The following RGS5 variants were observed in gnomAD, a reference collection of about 807,000 sequenced individuals.
RGS5 encodes regulator of G-protein signalling 5.
In RGS5, 20 loss-of-function variants were observed where a neutral mutation model predicts 18.9. The observed-to-expected ratio is 1.06, with a 90% confidence interval of 0.74 to 1.54. The LOEUF (loss-of-function observed/expected upper bound fraction) is 1.54. RGS5 is among the 40% of genes most tolerant of loss of function. The pLI is 0.00. For missense variants in RGS5, 201 were observed against 211.8 expected, an observed-to-expected ratio of 0.95 and a Z score of 0.32; for synonymous variants, 57 against 76.2, an observed-to-expected ratio of 0.75 and a Z score of 1.31.
chr1:163,216,646 G>A (rs1047149943), intron 1 of RGS5, among the ~76,000 whole-genome samples: 1 of 152,122 alleles, frequency 6.6e-6, no homozygotes, highest in Admixed American at 6.5e-5. Flanking sequence ...AAACTGTGCT[G>A]AGTATAAGAA....
At chr1:163,178,979 G>A (rs543746711) in intron 1 of RGS5, among the ~76,000 whole-genome samples, 1 of 152,166 alleles carries the variant, frequency 6.6e-6, no homozygotes, top group African/African-American at 2.4e-5. Context: ...GTTGAATTGT[G>A]TTAAATCTTC....
intron 1 of RGS5, among the ~76,000 whole-genome samples, chr1:163,320,817 T>C (rs1305671410): frequency 2.0e-5 from 3 of 152,234 alleles, no homozygotes; most frequent in Admixed American, 1.3e-4. Context: ...TCACTATCAA[T>C]AGGTTTAGTT....
chr1:163,174,918 C>A (rs560329014), intron 1 of RGS5, among the ~76,000 whole-genome samples: 9 of 152,124 alleles, frequency 5.9e-5, no homozygotes, highest in Non-Finnish European at 1.2e-4. Context: ...CAACACATTT[C>A]CAAAAGAGGT....
intron 1 of RGS5, among the ~76,000 whole-genome samples, chr1:163,310,177 G>C (rs1338416473): frequency 6.6e-6 from 1 of 152,134 alleles, no homozygotes; most frequent in African/African-American, 2.4e-5. Context: ...TTTTCAGAAT[G>C]GTCAGTGAGC....
chr1:163,234,602 G>A (rs933578330), intron 2 of RGS5, among the ~76,000 whole-genome samples: 2 of 152,112 alleles, frequency 1.3e-5, no homozygotes, highest in Admixed American at 6.5e-5. Flanking sequence ...CCTCCATAAA[G>A]ATCATAGAAT....
intron 2 of RGS5, among the ~76,000 whole-genome samples, chr1:163,274,275 G>A (rs1051683583): frequency 1.3e-5 from 2 of 151,826 alleles, no homozygotes; most frequent in African/African-American, 4.8e-5. Flanking sequence ...GGAACTTTCA[G>A]CCCCACCCAC....
intron 2 of RGS5, among the ~76,000 whole-genome samples, chr1:163,243,643 C>CAAAA (rs3069033): frequency 0.1 from 5,487 of 54,866 alleles, 872 homozygotes; most frequent in Non-Finnish European, 0.12. Flanking sequence ...GACTCCGTCT[C>CAAAA]AAAAAAAAAA....
intron 2 of RGS5, among the ~76,000 whole-genome samples, chr1:163,286,909 G>A (rs1649159934): frequency 6.6e-6 from 1 of 151,998 alleles, no homozygotes; most frequent in Admixed American, 6.6e-5. Context: ...TATTCCCTGT[G>A]CTGTTTATAG....
At chr1:163,222,293 G>A (rs896089907), upstream of RGS5, among the ~76,000 whole-genome samples, 9 of 152,030 alleles carry the variant, frequency 5.9e-5, no homozygotes, top group East Asian at 3.9e-4. Context: ...ACTCTATTGT[G>A]AACTGTGCAT....
chr1:163,278,103 A>G (rs1159261614), intron 2 of RGS5, among the ~76,000 whole-genome samples: 1 of 152,076 alleles, frequency 6.6e-6, no homozygotes, highest in Non-Finnish European at 1.5e-5. Flanking sequence ...ATTTAATAAA[A>G]TAACAGTAGA....
In RGS5 at chr1:163,285,574, C is replaced by A. The variant is rs553623589; in HGVS notation, c.-281+20659G>T. Reference sequence around the variant, plus strand: ...CAAAACAAAACAAAACAAACAACAACAAATATATATATAAAAATATATAAA... The same window carrying A: ...CAAAACAAAACAAAACAAACAACAAAAAATATATATATAAAAATATATAAA... On this transcript the variant is annotated intron_variant, in intron 2 of 5. Transcript: ENST00000618415. Among the ~76,000 whole-genome samples the A allele has an allele frequency of 1.7e-3, 264 of 151,836 alleles. 2 individuals are homozygous for A. The highest frequency in any genetic ancestry group is 6.8e-3 in the Middle Eastern group (2 of 292).
chr1:163,196,274 A>G (rs1240647320), intron 1 of RGS5, among the ~76,000 whole-genome samples: 1 of 152,142 alleles, frequency 6.6e-6, no homozygotes, highest in African/African-American at 2.4e-5. Flanking sequence ...CCTGTTACTA[A>G]TGACTGATCC....
intron 1 of RGS5, among the ~76,000 whole-genome samples, chr1:163,186,231 T>A (rs1183580028): frequency 6.6e-6 from 1 of 151,658 alleles, no homozygotes; most frequent in Non-Finnish European, 1.5e-5. Flanking sequence ...CCACCACGCC[T>A]GGCTAATTTT....
chr1:163,277,557 T>C (rs10799906), intron 2 of RGS5, among the ~76,000 whole-genome samples: 1 of 151,934 alleles, frequency 6.6e-6, no homozygotes, highest in African/African-American at 2.4e-5. Flanking sequence ...AGAAAGCTAA[T>C]TGAAAATGTT....
chr1:163,303,493 C>T (rs536201646), intron 2 of RGS5, among the ~76,000 whole-genome samples: 2 of 152,290 alleles, frequency 1.3e-5, no homozygotes, highest in South Asian at 4.1e-4. Flanking sequence ...TTACACACCT[C>T]TTTAAAATTG....
intron 1 of RGS5, among the ~76,000 whole-genome samples, chr1:163,310,528 T>C (rs1184193637): frequency 6.8e-6 from 1 of 147,982 alleles, no homozygotes; most frequent in Non-Finnish European, 1.5e-5. Context: ...TGAGCAGAGA[T>C]TGCGCGACTG....
At chr1:163,198,790 C>T (rs1398249061) in intron 1 of RGS5, among the ~76,000 whole-genome samples, 1 of 152,020 alleles carries the variant, frequency 6.6e-6, no homozygotes, top group Non-Finnish European at 1.5e-5. Flanking sequence ...TCCACTGTGC[C>T]TGGCTAATAT....
At chr1:163,240,527 T>A (rs1313587155) in intron 2 of RGS5, among the ~76,000 whole-genome samples, 6 of 151,862 alleles carry the variant, frequency 4.0e-5, no homozygotes, top group South Asian at 2.1e-4. Flanking sequence ...GAAAAAAAAT[T>A]TTTTAAGAGA....
At chr1:163,230,873 T>C (rs945108932) in intron 2 of RGS5, among the ~76,000 whole-genome samples, 2 of 152,256 alleles carry the variant, frequency 1.3e-5, no homozygotes, top group African/African-American at 2.4e-5. Context: ...TAACAGGATA[T>C]GTTAATCAGA....
Sources: gnomAD v4.1 joint callset for allele counts (sites outside exome capture counted in the v4.1 genomes callset) on GRCh38, gnomAD v4.1.1 for gene constraint, MANE v1.5 for transcripts, NCBI Gene and HGNC (gene_info 2026-07-23, HGNC 2026-07-21) for gene names.